DNTTIP1: variants seen among roughly 807,000 people sequenced by gnomAD.
DNTTIP1 encodes the protein deoxynucleotidyltransferase terminal interacting protein 1.
A neutral mutation model predicts 52.9 loss-of-function variants in DNTTIP1; 22 were observed. The observed-to-expected ratio is 0.42, with a 90% CI of 0.30 to 0.59. The LOEUF is 0.59. Among genes scored for constraint, DNTTIP1 ranks in the 20% least tolerant of loss-of-function variants. DNTTIP1 has a pLI of 0.22. For missense variants in DNTTIP1, 286 were observed against 435.5 expected, an observed-to-expected ratio of 0.66 and a Z score of 3.06; for synonymous variants, 136 against 155.1, an observed-to-expected ratio of 0.88 and a Z score of 0.92.
chr20:45,797,009 A>G (rs1222999306), intron 4 of DNTTIP1, among the ~76,000 whole-genome samples: 1 of 152,008 alleles, frequency 6.6e-6, no homozygotes, highest in Non-Finnish European at 1.5e-5. Context: ...TTCATGGCTC[A>G]CTGTTTTCAT....
intron 8 of DNTTIP1, 46 bp from the exon 9 acceptor site, chr20:45,805,100 A>G (rs1357915890): frequency 1.9e-6 from 3 of 1,543,456 alleles, no homozygotes; most frequent in African/African-American, 1.4e-5. Flanking sequence ...TGTCCTACCC[A>G]TCAGATTAAA....
In DNTTIP1 at chr20:45,809,057, C is replaced by A; in HGVS notation, c.724-57C>A. 2.0e-6 allele frequency: 3 copies of A among 1,497,530 alleles called. No individual in the cohort carries two copies. The highest frequency in any genetic ancestry group is 1.7e-4 in the Middle Eastern group (1 of 5,852). The allele number at this position is 1,497,530 out of a possible 1,614,324, so 92.8% of individuals were successfully genotyped here. On this transcript the variant is annotated intron_variant, in intron 10 of 12. Coordinates refer to ENST00000372622, the MANE Select transcript of DNTTIP1 (RefSeq NM_052951.3). This position sits in a 1 kb window ranked among gnomAD's most constrained non-coding sequence, Gnocchi z 4.2. ...AAGGGCCAAGAGTATGCTCTGGGAC[C>A]AAATGAGAAAAGCCCCTTACCCGAG...
chr20:45,798,837 A>G (rs1318741989), intron 4 of DNTTIP1, among the ~76,000 whole-genome samples: 1 of 152,228 alleles, frequency 6.6e-6, no homozygotes, highest in Non-Finnish European at 1.5e-5. Flanking sequence ...GACTCTTAGT[A>G]TGTGTACAGA....
At position 45,801,427 on chromosome 20, in the gene DNTTIP1, G is replaced by A. The variant is rs1314600988; in HGVS notation, c.467G>A (p.Cys156Tyr). The change falls in exon 6 of 13, where the codon TGT (cysteine) becomes TAT (tyrosine). Residue 156 changes from cysteine to tyrosine, a missense_variant. Physicochemically the swap from Cys to Tyr is radical, Grantham distance 194. This residue lies in a region of DNTTIP1 where 208 missense variants were observed against 266.5 expected (regional missense o/e 0.78). Coordinates refer to ENST00000372622, the MANE Select transcript of DNTTIP1 (RefSeq NM_052951.3). Reference protein sequence around the residue: ...IKRGRQAEEECAHRGSPLPKK... With the variant: ...IKRGRQAEEEYAHRGSPLPKK... ...CGTGGCCGTCAGGCAGAAGAAGAAT[G>A]TGCCCATCGAGGAAGCCCCCTTCCT... is the stretch of plus-strand genomic sequence containing the variant. 5 of 1,614,182 alleles carry A rather than the reference G, an allele frequency of 3.1e-6. No homozygotes were observed. The highest frequency in any genetic ancestry group is 4.2e-6 in the Non-Finnish European group (5 of 1,180,040).
intron 8 of DNTTIP1, among the ~76,000 whole-genome samples, chr20:45,804,812 CCTCT>C (rs1981581637): frequency 6.6e-6 from 1 of 152,186 alleles, no homozygotes; most frequent in African/African-American, 2.4e-5. Flanking sequence ...TTGGGAAATG[CCTCT>C]CTAAGGAAGC....
In DNTTIP1 at chr20:45,795,406, A is replaced by G; in HGVS notation, c.335A>G (p.Gln112Arg). Residue 112 changes from glutamine to arginine, a missense_variant, in exon 4 of 13, where the codon CAG becomes CGG. Around this residue, in one of 2 missense-constraint regions of DNTTIP1, gnomAD observed 208 missense variants for 266.5 expected, o/e 0.78. Coordinates refer to ENST00000372622, the MANE Select transcript of DNTTIP1 (RefSeq NM_052951.3). ...GTTGGGGAGGAGGTGGACGCAGAGC[A>G]GCTGATCCAGGAAGCCTGTCGGAGC... ...DNVGEEVDAE[Q>R]LIQEACRSCL... 6.2e-7 allele frequency: 1 copy of G among 1,611,418 alleles called. No homozygotes were observed. The highest frequency in any genetic ancestry group is 8.5e-7 in the Non-Finnish European group (1 of 1,178,676).
Position 45,794,439 on chromosome 20 carries a change from ACCTGGTCAGTTTTCAAATTT to A in DNTTIP1, c.273+423_273+442del, listed in dbSNP as rs1288122692. On this transcript the variant is annotated intron_variant, in intron 3 of 12. Transcript: ENST00000372622. ...TGGGATTATAGGTGTGAGCCAGGGC[ACCTGGTCAGTTTTCAAATTT>A]TTAATCCCCCAAGAATTTTATTCCC... Among the ~76,000 whole-genome samples, 10 of 151,850 alleles carry A rather than the reference ACCTGGTCAGTTTTCAAATTT, an allele frequency of 6.6e-5. No individual in the cohort carries two copies. The East Asian group carries it at 2.0e-3, about 30-fold the overall frequency.
rs768988044 is a variant in DNTTIP1 at position 45,801,409 on chromosome 20, G to T, written c.449G>T (p.Arg150Leu). The T allele has an allele frequency of 2.5e-6, 4 of 1,614,024 alleles. No homozygotes were observed. The African/African-American group carries it at 4.0e-5, about 16-fold the overall frequency. ...CCTTCCCTTTTCTTTTAGCGTGGCC[G>T]TCAGGCAGAAGAAGAATGTGCCCAT... is the stretch of plus-strand genomic sequence containing the variant. ...THELPGIKRG[R>L]QAEEECAHRG... Residue 150 changes from arginine to leucine, a missense_variant, in exon 6 of 13, where the codon CGT (arginine) becomes CTT (leucine). By Grantham distance (102) the Arg-to-Leu change is moderately radical (BLOSUM62 -2). Coordinates refer to ENST00000372622, the MANE Select transcript of DNTTIP1 (RefSeq NM_052951.3).
chr20:45,810,575 CTTTT>C (rs57338956), intron 11 of DNTTIP1, among the ~76,000 whole-genome samples: 2 of 124,162 alleles, frequency 1.6e-5, no homozygotes, highest in South Asian at 2.5e-4. Context: ...TTCTTTTTTT[CTTTT>C]TTTTTTTTTT....
intron 3 of DNTTIP1, 61 bp downstream of exon 3, chr20:45,794,078 C>A (rs932462212): frequency 9.0e-6 from 9 of 995,644 alleles, no homozygotes; most frequent in Non-Finnish European, 1.2e-5. Flanking sequence ...CCAGTCCTTG[C>A]CTGCATCACC....
rs1004986831 is a variant in DNTTIP1, at chr20:45,794,885, C to T, written c.274-460C>T. ...CACGGTCTTGGCTCACTGCAACCTC[C>T]GCCTCCTGGGTTCAAGCAGTTCTCT... On this transcript the variant is annotated intron_variant, in intron 3 of 12. Coordinates refer to ENST00000372622, the MANE Select transcript of DNTTIP1 (RefSeq NM_052951.3). 3.3e-5 allele frequency among the ~76,000 whole-genome samples: 5 copies of T among 151,772 alleles called. 1 individual carries two copies. The highest frequency in any genetic ancestry group is 4.2e-4 in the South Asian group (2 of 4,800).
At chr20:45,810,856 A>G (rs780801236) in intron 11 of DNTTIP1, 29 bp from the exon 12 acceptor site, 23 of 1,609,888 alleles carry the variant, frequency 1.4e-5, no homozygotes, top group African/African-American at 1.1e-4. Context: ...GAATCAGGCA[A>G]TGACCACTCT....
chr20:45,798,458 T>G (rs779152386), intron 4 of DNTTIP1, among the ~76,000 whole-genome samples: 3 of 152,034 alleles, frequency 2.0e-5, no homozygotes, highest in Non-Finnish European at 2.9e-5. Context: ...GTTGTGCACA[T>G]GTACCCTAAA....
chr20:45,809,216 T>C lies in DNTTIP1; in HGVS notation c.795+31T>C, dbSNP rs1185860509. The C allele has an allele frequency of 6.2e-7, 1 of 1,603,522 alleles. No individual in the cohort carries two copies. The highest frequency in any genetic ancestry group is 2.2e-5 in the East Asian group (1 of 44,798). Reference sequence around the variant, plus strand: ...CATTATTCATTTGTGCCACTGCCAGTGACCCACCCCACCTGGGAACCAGGA... The same window carrying C: ...CATTATTCATTTGTGCCACTGCCAGCGACCCACCCCACCTGGGAACCAGGA... On this transcript the variant is annotated intron_variant, in intron 11 of 12. Coordinates refer to ENST00000372622, the MANE Select transcript of DNTTIP1 (RefSeq NM_052951.3). This position sits in a 1 kb window ranked among gnomAD's most constrained non-coding sequence, Gnocchi z 4.2.
At position 45,809,102 on chromosome 20, in the gene DNTTIP1, C is replaced by T; in HGVS notation, c.724-12C>T. The T allele has an allele frequency of 6.2e-7, 1 of 1,613,810 alleles. No individual in the cohort carries two copies. Among genetic ancestry groups the T allele is most frequent in the East Asian group, 2.2e-5 (1 of 44,892 alleles). On this transcript the variant is annotated splice_polypyrimidine_tract_variant and intron_variant, in intron 10 of 12. Coordinates refer to ENST00000372622, the MANE Select transcript of DNTTIP1 (RefSeq NM_052951.3). This position sits in a 1 kb window ranked among gnomAD's most constrained non-coding sequence, Gnocchi z 4.2. Reference sequence around the variant, plus strand: ...CCCGAGGCTAATTTTCTTACAACTTCATTCCTTACAGTATGCAGCTGACCC... The same window carrying T: ...CCCGAGGCTAATTTTCTTACAACTTTATTCCTTACAGTATGCAGCTGACCC...
chr20:45,803,387 A>C lies in DNTTIP1; in HGVS notation c.603+9A>C. The C allele has an allele frequency of 6.2e-7, 1 of 1,614,144 alleles. No individual in the cohort carries two copies. The highest frequency in any genetic ancestry group is 8.5e-7 in the Non-Finnish European group (1 of 1,180,002). On this transcript the variant is annotated intron_variant, in intron 8 of 12. Transcript: ENST00000372622. Reference sequence around the variant, plus strand: ...GCCGGGAAGGCCCCAAGGTATGATTATGTGAGCATGGCAGAGATCACGATC... The same window carrying C: ...GCCGGGAAGGCCCCAAGGTATGATTCTGTGAGCATGGCAGAGATCACGATC...
chr20:45,799,893 G>A (rs1159226598), intron 4 of DNTTIP1, among the ~76,000 whole-genome samples: 1 of 150,252 alleles, frequency 6.7e-6, no homozygotes, highest in Admixed American at 6.6e-5. Context: ...AGATCACGAG[G>A]TCAGAAGTGT....
intron 10 of DNTTIP1, among the ~76,000 whole-genome samples, chr20:45,808,304 A>G (rs969133232): frequency 7.2e-5 from 11 of 152,198 alleles, no homozygotes; most frequent in Admixed American, 2.0e-4. Flanking sequence ...AGATCATGCC[A>G]CTGCACTCTA....
chr20:45,805,112 T>C (rs762237738), intron 8 of DNTTIP1, 34 bp from the exon 9 acceptor site: 1 of 1,599,782 alleles, frequency 6.3e-7, no homozygotes, highest in South Asian at 1.1e-5. Flanking sequence ...CAGATTAAAC[T>C]TCACCCTCAC....
Sources: allele counts gnomAD v4.1 joint callset (sites outside exome capture counted in the v4.1 genomes callset), GRCh38; gene constraint gnomAD v4.1.1; regional missense constraint gnomAD v4.1.1; non-coding constraint Gnocchi (gnomAD v3.1); transcripts MANE v1.5; gene names NCBI Gene and HGNC (gene_info 2026-07-23, HGNC 2026-07-21).